CHD6: variants seen among roughly 807,000 people sequenced by gnomAD.
The protein encoded by CHD6 is ATP-dependent chromatin remodeler CHD6.
Under a neutral mutation model 276.9 loss-of-function variants are expected in CHD6, and 50 were observed. That is an observed-to-expected ratio of 0.18 (90% CI 0.14 to 0.23). The LOEUF (loss-of-function observed/expected upper bound fraction) is 0.23. Among genes scored for constraint, CHD6 ranks in the 10% least tolerant of loss-of-function variants. The pLI is 1.00. For missense variants in CHD6, 2,564 were observed against 3,365.8 expected, an observed-to-expected ratio of 0.76 and a Z score of 5.89; for synonymous variants, 1,173 against 1,229.3, an observed-to-expected ratio of 0.95 and a Z score of 0.96.
chr20:41,460,446 A>G (rs1202267488), intron 17 of CHD6, among the ~76,000 whole-genome samples: 3 of 152,258 alleles, frequency 2.0e-5, no homozygotes, highest in South Asian at 2.1e-4. Flanking sequence ...GCCTAGGAGG[A>G]AAAAGTGGTT....
intron 29 of CHD6, 77 bp downstream of exon 29, chr20:41,425,101 C>A: frequency 8.6e-7 from 1 of 1,158,562 alleles, no homozygotes; most frequent in Admixed American, 1.8e-5. Flanking sequence ...TACTCGCCCT[C>A]CAAGCTACCG....
intron 18 of CHD6, among the ~76,000 whole-genome samples, chr20:41,456,530 A>G (rs1430069327): frequency 2.0e-5 from 3 of 152,242 alleles, no homozygotes; most frequent in East Asian, 1.9e-4. Context: ...GGTTCTCTTT[A>G]TATCAATCAC....
At chr20:41,531,992 T>TA (rs1348751373) in intron 3 of CHD6, among the ~76,000 whole-genome samples, 3 of 152,194 alleles carry the variant, frequency 2.0e-5, no homozygotes, top group African/African-American at 7.2e-5. Context: ...CCCTTGCACT[T>TA]AGATTTTAGA....
Position 41,510,598 on chromosome 20 carries a change from T to C in CHD6, c.852+2248A>G, listed in dbSNP as rs142136873. 6.4e-3 allele frequency among the ~76,000 whole-genome samples: 977 copies of C among 152,350 alleles called. 11 individuals carry two copies. Among genetic ancestry groups the C allele is most frequent in the Middle Eastern group, 0.024 (7 of 294 alleles). ...ATATATAAACCCTCTGTTTGCTACA[T>C]CCTTAGAAGAAACAAAAGAGTCTTA... On this transcript the variant is annotated intron_variant, in intron 5 of 36. Transcript: ENST00000373233.
intron 1 of CHD6, among the ~76,000 whole-genome samples, chr20:41,593,360 T>C (rs897284921): frequency 2.0e-5 from 3 of 152,220 alleles, no homozygotes; most frequent in Admixed American, 6.5e-5. Flanking sequence ...CAGCATTAAT[T>C]TATGAGAACA....
In CHD6 at chr20:41,451,009, C is replaced by T. The variant is rs925753717; in HGVS notation, c.3620G>A (p.Cys1207Tyr). Reference protein sequence around the residue: ...ELKDADWLATCNPEVVLHDDG... With the variant: ...ELKDADWLATYNPEVVLHDDG... ...ATCATGCAAGACCACCTCGGGGTTG[C>T]AGGTGGCTAGCCAATCTGCATCCTT... The change falls in exon 23 of 37, where the codon TGC becomes TAC. Residue 1207 changes from cysteine (C) to tyrosine (Y), a missense_variant. By Grantham distance (194) the Cys-to-Tyr change is radical (BLOSUM62 -2). This residue lies in a region of CHD6 where 515 missense variants were observed against 739.5 expected (regional missense o/e 0.70). Coordinates refer to ENST00000373233, the MANE Select transcript of CHD6 (RefSeq NM_032221.5). 6.2e-7 allele frequency: 1 copy of T among 1,613,950 alleles called. No individual in the cohort carries two copies. Among genetic ancestry groups the T allele is most frequent in the South Asian group, 1.1e-5 (1 of 91,046 alleles).
In CHD6 at chr20:41,541,425, T is replaced by C. The variant is rs137956266; in HGVS notation, c.34-7855A>G. Reference sequence around the variant, plus strand: ...GCTGGTTAGACAGTTCAGTTGCAGGTATTTAAGGATAATTCAGGTGCAGAA... The same window carrying C: ...GCTGGTTAGACAGTTCAGTTGCAGGCATTTAAGGATAATTCAGGTGCAGAA... On this transcript the variant is annotated intron_variant, in intron 2 of 36. Transcript: ENST00000373233. Among the ~76,000 whole-genome samples, 465 of 152,342 alleles carry C rather than the reference T, an allele frequency of 3.1e-3. 3 individuals carry two copies. Among genetic ancestry groups the C allele is most frequent in the Non-Finnish European group, 5.3e-3 (363 of 68,034 alleles).
chr20:41,611,335 T>A (rs1046941461), intron 1 of CHD6, among the ~76,000 whole-genome samples: 2 of 152,204 alleles, frequency 1.3e-5, no homozygotes, highest in Admixed American at 6.5e-5. Context: ...CGACTGGCCA[T>A]GTATGGCTAT....
chr20:41,457,222 C>A (rs1339343298), intron 18 of CHD6, 42 bp downstream of exon 18: 1 of 1,590,622 alleles, frequency 6.3e-7, no homozygotes, highest in East Asian at 2.3e-5. Flanking sequence ...GGCTGTGCGA[C>A]CAATGTTCCT....
At chr20:41,602,612 C>T (rs1292075937) in intron 1 of CHD6, among the ~76,000 whole-genome samples, 1 of 152,194 alleles carries the variant, frequency 6.6e-6, no homozygotes, top group African/African-American at 2.4e-5. Flanking sequence ...CTCGCACTGT[C>T]ATGCTTTTAC....
intron 27 of CHD6, among the ~76,000 whole-genome samples, chr20:41,429,764 A>G (rs1225376668): frequency 6.6e-6 from 1 of 152,176 alleles, no homozygotes; most frequent in Non-Finnish European, 1.5e-5. Context: ...GTATCATCCA[A>G]CAATAAAATA....
At position 41,402,178 on chromosome 20, in the gene CHD6, G is replaced by C. The variant is rs2046556651; in HGVS notation, c.*2415C>G. 4.7e-6 allele frequency: 1 copy of C among 211,728 alleles called. No homozygotes were observed. Among genetic ancestry groups the C allele is most frequent in the Non-Finnish European group, 9.6e-6 (1 of 104,550 alleles). The allele number at this position is 211,728 out of a possible 1,614,324, so 13.1% of individuals were successfully genotyped here. A position where few individuals can be genotyped will look rare whatever the true frequency, so the allele number is the denominator to read the frequency against. Reference sequence around the variant, plus strand: ...GTGAAGAATGGTCAAGGAAAGTTATGGCCGTGAGTGACATGGAATTAGATG... The same window carrying C: ...GTGAAGAATGGTCAAGGAAAGTTATCGCCGTGAGTGACATGGAATTAGATG... On this transcript the variant is annotated 3_prime_UTR_variant, in exon 37 of 37. Coordinates refer to ENST00000373233, the MANE Select transcript of CHD6 (RefSeq NM_032221.5).
At chr20:41,415,049 T>C in intron 34 of CHD6, 137 bp downstream of exon 34, 1 of 1,465,814 alleles carries the variant, frequency 6.8e-7, no homozygotes, top group Non-Finnish European at 9.0e-7. Context: ...GGAGGGCATC[T>C]TATAATGAGA....
chr20:41,527,598 G>A (rs963652443), intron 3 of CHD6, among the ~76,000 whole-genome samples: 1 of 152,142 alleles, frequency 6.6e-6, no homozygotes, highest in African/African-American at 2.4e-5. Context: ...CTGCTCACTC[G>A]GCTGTGCCTT....
At chr20:41,496,479 C>T (rs990757715) in intron 8 of CHD6, among the ~76,000 whole-genome samples, 3 of 152,222 alleles carry the variant, frequency 2.0e-5, no homozygotes, top group Non-Finnish European at 4.4e-5. Context: ...GAGTTTCCTC[C>T]ACGTGTGCTT....
rs1178256259 is a variant in CHD6 at position 41,452,748 on chromosome 20, G to C, written c.3315C>G (p.Leu1105=). 1 of 1,612,926 alleles carries C rather than the reference G, an allele frequency of 6.2e-7. No individual in the cohort carries two copies. Among genetic ancestry groups the C allele is most frequent in the African/African-American group, 1.3e-5 (1 of 74,676 alleles). The change falls in exon 21 of 37, where the codon CTC becomes CTG. Residue 1105 remains leucine, a synonymous_variant. Transcript: ENST00000373233. The surrounding 1 kb of genome is among the most constrained non-coding windows in gnomAD (Gnocchi z 4.2). ...AECFRVEKNL[L]IFGWGRWKDI... ...GCAGAGCCAATACCCACCCAAAGATGAGCAGGTTCTTCTCTACCCGGAAGC... is the reference window on the plus strand; with the variant it reads ...GCAGAGCCAATACCCACCCAAAGATCAGCAGGTTCTTCTCTACCCGGAAGC...
chr20:41,500,377 G>GA (rs2145905811), intron 5 of CHD6, among the ~76,000 whole-genome samples: 1 of 152,222 alleles, frequency 6.6e-6, no homozygotes, highest in East Asian at 1.9e-4. Context: ...TGGGTTAAAA[G>GA]AAATGAGGAA....
At chr20:41,590,855 A>C (rs940540693) in intron 1 of CHD6, among the ~76,000 whole-genome samples, 14 of 151,660 alleles carry the variant, frequency 9.2e-5, no homozygotes, top group African/African-American at 3.4e-4. Flanking sequence ...CCATCCCATT[A>C]CTGGGTATAT....
chr20:41,447,988 C>T lies in CHD6; in HGVS notation c.3684-17G>A. 4 of 1,519,412 alleles carry T rather than the reference C, an allele frequency of 2.6e-6. No homozygotes were observed. Among genetic ancestry groups the T allele is most frequent in the Non-Finnish European group, 3.6e-6 (4 of 1,102,892 alleles). The allele number at this position is 1,519,412 out of a possible 1,614,324, so 94.1% of individuals were successfully genotyped here. A position where few individuals can be genotyped will look rare whatever the true frequency, so the allele number is the denominator to read the frequency against. On this transcript the variant is annotated splice_polypyrimidine_tract_variant and intron_variant, in intron 23 of 36. Transcript: ENST00000373233. ...AAAAGTACTCTATGAAAGGTGAACA[C>T]ATTAATGCAAACAAATTAGAACCCA...
Sources: gnomAD v4.1 joint callset for allele counts (sites outside exome capture counted in the v4.1 genomes callset) on GRCh38, gnomAD v4.1.1 for gene constraint, gnomAD v4.1.1 regional missense constraint, Gnocchi (gnomAD v3.1) non-coding constraint, MANE v1.5 for transcripts, NCBI Gene and HGNC (gene_info 2026-07-23, HGNC 2026-07-21) for gene names.